Variants in RHOV observed in about 807,000 individuals in gnomAD.
RHOV encodes rho-related GTP-binding protein RhoV.
In RHOV, 6 loss-of-function variants were observed where a neutral mutation model predicts 20.2. That is an observed-to-expected ratio of 0.30 (90% CI 0.16 to 0.59). The LOEUF (loss-of-function observed/expected upper bound fraction) is 0.59, where lower values mean the gene tolerates loss of function less well. Among genes scored for constraint, RHOV ranks in the 20% least tolerant of loss-of-function variants. The pLI, the probability that RHOV is intolerant of heterozygous loss-of-function variation, is 0.89. For synonymous variants in RHOV, 136 were observed against 142.3 expected (o/e 0.96, Z 0.31); for missense variants, 275 against 319.4 (o/e 0.86, Z 1.06).
chr15:40,874,047 G>A lies in RHOV; in HGVS notation c.93C>T (p.Gly31=). The change falls in exon 1 of 3, where the codon GGC becomes GGT. Residue 31 remains glycine, a synonymous_variant. Transcript: ENST00000220507. ...CGTCGCCCACCAGCACGCACTTGATGCCCAGCTCTGGGGGCGCGCTACGCC... is the reference window on the plus strand; with the variant it reads ...CGTCGCCCACCAGCACGCACTTGATACCCAGCTCTGGGGGCGCGCTACGCC... The part of the protein sequence containing the change: ...PRRRSAPPEL[G]IKCVLVGDGA... The A allele has an allele frequency of 6.3e-7, 1 of 1,587,994 alleles. No homozygotes were observed. The highest frequency in any genetic ancestry group is 8.5e-7 in the Non-Finnish European group (1 of 1,169,764).
chr15:40,874,049 C>T lies in RHOV; in HGVS notation c.91G>A (p.Gly31Ser). The T allele has an allele frequency of 6.3e-7, 1 of 1,587,310 alleles. No homozygotes were observed. ...PRRRSAPPEL[G>S]IKCVLVGDGA... ...TCGCCCACCAGCACGCACTTGATGCCCAGCTCTGGGGGCGCGCTACGCCGC... is the reference window on the plus strand; with the variant it reads ...TCGCCCACCAGCACGCACTTGATGCTCAGCTCTGGGGGCGCGCTACGCCGC... The change falls in exon 1 of 3, where the codon GGC (glycine) becomes AGC (serine). Residue 31 changes from glycine (G) to serine (S), a missense_variant. Physicochemically the swap from Gly to Ser is moderately conservative, Grantham distance 56. Coordinates refer to ENST00000220507, the MANE Select transcript of RHOV (RefSeq NM_133639.4).
At chr15:40,873,619 T>G (rs1458411278) in intron 2 of RHOV, 65 bp downstream of exon 2, 3 of 1,592,562 alleles carry the variant, frequency 1.9e-6, no homozygotes, top group Admixed American at 3.3e-5. Flanking sequence ...TTGCTCCATA[T>G]GGGGTCCTCC....
rs1219778543 is a variant in RHOV at position 40,873,334 on chromosome 15, G to A, written c.435C>T (p.Ala145=). 1 of 1,613,152 alleles carries A rather than the reference G, an allele frequency of 6.2e-7. No individual in the cohort carries two copies. Among genetic ancestry groups the A allele is most frequent in the East Asian group, 2.2e-5 (1 of 44,880 alleles). ...GTACGTTGACATCGTCCCTCAGGTC[G>A]GCCTGGGTGCCCACCAGCAGCACAG... ...QAPVLLVGTQ[A]DLRDDVNVLI... is the part of the protein sequence containing the mutation. The change falls in exon 3 of 3, where the codon GCC becomes GCT. Residue 145 remains alanine (A), a synonymous_variant. Coordinates refer to ENST00000220507, the MANE Select transcript of RHOV (RefSeq NM_133639.4).
In RHOV at chr15:40,873,048, C is replaced by G. The variant is rs1179081084; in HGVS notation, c.*10G>C. 1.9e-6 allele frequency: 3 copies of G among 1,606,050 alleles called. No homozygotes were observed. Among genetic ancestry groups the G allele is most frequent in the Non-Finnish European group, 2.6e-6 (3 of 1,174,050 alleles). On this transcript the variant is annotated 3_prime_UTR_variant, in exon 3 of 3. Coordinates refer to ENST00000220507, the MANE Select transcript of RHOV (RefSeq NM_133639.4). ...CTCCTGCCTACTACTTGCTATGCAG[C>G]CATAGCTGCTCAAACGAAGCAGAAG... is the stretch of plus-strand genomic sequence containing the variant.
chr15:40,873,880 T>A (rs1891923441), intron 1 of RHOV, 52 bp downstream of exon 1: 1 of 1,564,124 alleles, frequency 6.4e-7, no homozygotes, highest in Non-Finnish European at 8.7e-7. Context: ...AGCTCCCCGG[T>A]GCACAGCCCC....
Position 40,872,679 on chromosome 15 carries a change from C to T in RHOV, c.*379G>A. Reference sequence around the variant, plus strand: ...CCAGCCCTCCATAATGCCAAGCGTTCCCCAAGCTCTTTCTCACCCCTGTGC... The same window carrying T: ...CCAGCCCTCCATAATGCCAAGCGTTTCCCAAGCTCTTTCTCACCCCTGTGC... On this transcript the variant is annotated 3_prime_UTR_variant, in exon 3 of 3. Coordinates refer to ENST00000220507, the MANE Select transcript of RHOV (RefSeq NM_133639.4). 1 of 190,752 alleles carries T rather than the reference C, an allele frequency of 5.2e-6. No individual in the cohort carries two copies. Among genetic ancestry groups the T allele is most frequent in the Non-Finnish European group, 1.1e-5 (1 of 92,314 alleles). 11.8% of individuals were successfully genotyped at this position (190,752 alleles called of 1,614,324 possible). A position where few individuals can be genotyped will look rare whatever the true frequency, so the allele number is the denominator to read the frequency against.
chr15:40,874,027 C>T lies in RHOV; in HGVS notation c.113G>A (p.Gly38Asp). 6.2e-7 allele frequency: 1 copy of T among 1,602,598 alleles called. No individual in the cohort carries two copies. Among genetic ancestry groups the T allele is most frequent in the Non-Finnish European group, 8.5e-7 (1 of 1,175,982 alleles). ...PELGIKCVLV[G>D]DGAVGKSSLI... ...GCTGCTCTTGCCCACGGCGCCGTCGCCCACCAGCACGCACTTGATGCCCAG... is the reference window on the plus strand; with the variant it reads ...GCTGCTCTTGCCCACGGCGCCGTCGTCCACCAGCACGCACTTGATGCCCAG... Residue 38 changes from glycine to aspartate, a missense_variant, in exon 1 of 3, where the codon GGC becomes GAC. Physicochemically the swap from Gly to Asp is moderately conservative, Grantham distance 94 (BLOSUM62 -1). Coordinates refer to ENST00000220507, the MANE Select transcript of RHOV (RefSeq NM_133639.4).
rs1357476080 is a variant in RHOV, at chr15:40,872,271, T to C, written c.*787A>G. 5.3e-5 allele frequency: 8 copies of C among 152,350 alleles called. No homozygotes were observed. The highest frequency in any genetic ancestry group is 1.9e-4 in the African/African-American group (8 of 41,450). 9.4% of individuals were successfully genotyped at this position (152,350 alleles called of 1,614,324 possible). A position where few individuals can be genotyped will look rare whatever the true frequency, so the allele number is the denominator to read the frequency against. On this transcript the variant is annotated 3_prime_UTR_variant, in exon 3 of 3. Coordinates refer to ENST00000220507, the MANE Select transcript of RHOV (RefSeq NM_133639.4). ...GCACTGCTCTAGCTTCTAGGCTGTG[T>C]GACCTTGAGGAAAGGGATGATCCCC...
Position 40,872,907 on chromosome 15 carries a change from G to T in RHOV, c.*151C>A. ...TCACCCAGGCATATCAGAGTGGGCA[G>T]TTAGAGGCCCATGTCCCCCGAGTGT... On this transcript the variant is annotated 3_prime_UTR_variant, in exon 3 of 3. Transcript: ENST00000220507. The T allele has an allele frequency of 1.6e-6, 1 of 624,346 alleles. No homozygotes were observed. Among genetic ancestry groups the T allele is most frequent in the Non-Finnish European group, 2.8e-6 (1 of 351,350 alleles). The allele number at this position is 624,346 out of a possible 1,614,324, so 38.7% of individuals were successfully genotyped here.
Position 40,873,285 on chromosome 15 carries a change from G to A in RHOV, c.484C>T (p.Arg162Trp), listed in dbSNP as rs753797823. 18 of 1,613,844 alleles carry A rather than the reference G, an allele frequency of 1.1e-5. No individual in the cohort carries two copies. The South Asian group carries it at 2.0e-4, about 18-fold the overall frequency. Residue 162 changes from arginine (R) to tryptophan (W), a missense_variant, in exon 3 of 3, where the codon CGG becomes TGG. Coordinates refer to ENST00000220507, the MANE Select transcript of RHOV (RefSeq NM_133639.4). ...NVLIQLDQGG[R>W]EGPVPQPQAQ... ...TGGGGTTGGGGCACGGGGCCCTCCC[G>A]GCCCCCCTGGTCCAGCTGAATTAGT...
rs1891922665 is a variant in RHOV at position 40,873,836 on chromosome 15, G to A, written c.209-94C>T. The A allele has an allele frequency of 5.8e-6, 9 of 1,539,332 alleles. No individual in the cohort carries two copies. In the South Asian group the frequency reaches 9.3e-5, roughly 16 times the overall value. On this transcript the variant is annotated intron_variant, in intron 1 of 2. Transcript: ENST00000220507. ...GGCCTGCTCCAGTCTCCTCCCCGGGGTCCTCTGCGCCCTCCCGCCGAGACG... is the reference window on the plus strand; with the variant it reads ...GGCCTGCTCCAGTCTCCTCCCCGGGATCCTCTGCGCCCTCCCGCCGAGACG...
Position 40,874,170 on chromosome 15 carries a change from C to A in RHOV, c.-31G>T. 1 of 1,050,278 alleles carries A rather than the reference C, an allele frequency of 9.5e-7. No individual in the cohort carries two copies. Among genetic ancestry groups the A allele is most frequent in the Non-Finnish European group, 1.3e-6 (1 of 798,006 alleles). The allele number at this position is 1,050,278 out of a possible 1,614,324, so 65.1% of individuals were successfully genotyped here. On this transcript the variant is annotated 5_prime_UTR_variant, in exon 1 of 3. Transcript: ENST00000220507. ...GCTCCGGGGGCAGCAGAGGGGCCAGCCCGGGTCTCGGCTTCGCTGCGCTCG... is the reference window on the plus strand; with the variant it reads ...GCTCCGGGGGCAGCAGAGGGGCCAGACCGGGTCTCGGCTTCGCTGCGCTCG...
chr15:40,873,298 C>CAGCT lies in RHOV; in HGVS notation c.467_470dup (p.Asp158AlafsTer29). ...CGGGGCCCTCCCGGCCCCCCTGGTCCAGCTGAATTAGTACGTTGACATCGT... is the reference window on the plus strand; with the variant it reads ...CGGGGCCCTCCCGGCCCCCCTGGTCCAGCTAGCTGAATTAGTACGTTGACATCGT... On this transcript the variant is annotated frameshift_variant, in exon 3 of 3. Transcript: ENST00000220507. LOFTEE classifies it high-confidence loss of function. 1.2e-6 allele frequency: 2 copies of CAGCT among 1,613,796 alleles called. No homozygotes were observed. Among genetic ancestry groups the CAGCT allele is most frequent in the Non-Finnish European group, 1.7e-6 (2 of 1,180,004 alleles).
Position 40,874,102 on chromosome 15 carries a change from G to C in RHOV, c.38C>G (p.Pro13Arg), listed in dbSNP as rs1267670070. 3.2e-5 allele frequency: 46 copies of C among 1,441,692 alleles called. No individual in the cohort carries two copies. The highest frequency in any genetic ancestry group is 3.9e-5 in the Non-Finnish European group (43 of 1,102,606). The allele number at this position is 1,441,692 out of a possible 1,614,324, so 89.3% of individuals were successfully genotyped here. Residue 13 changes from proline (P) to arginine (R), a missense_variant, in exon 1 of 3, where the codon CCG becomes CGG. By Grantham distance (103) the Pro-to-Arg change is moderately radical (BLOSUM62 -2). Coordinates refer to ENST00000220507, the MANE Select transcript of RHOV (RefSeq NM_133639.4). ...PRELSEAEPP[P>R]LRAPTPPPRR... ...CGGGGGAGGGGTCGGGGCCCGGAGCGGGGGCGGCTCGGCCTCGCTCAGCTC... is the reference window on the plus strand; with the variant it reads ...CGGGGGAGGGGTCGGGGCCCGGAGCCGGGGCGGCTCGGCCTCGCTCAGCTC...
chr15:40,872,972 C>A lies in RHOV; in HGVS notation c.*86G>T, dbSNP rs933116426. The A allele has an allele frequency of 5.9e-6, 6 of 1,023,392 alleles. No individual in the cohort carries two copies. The highest frequency in any genetic ancestry group is 2.1e-4 in the Middle Eastern group (1 of 4,674). The allele number at this position is 1,023,392 out of a possible 1,614,324, so 63.4% of individuals were successfully genotyped here. ...AGTCCTATGAGGTGGCCAGGCCCTG[C>A]CAGTAGCTGCCGCAAAGGCCCGGGT... On this transcript the variant is annotated 3_prime_UTR_variant, in exon 3 of 3. Coordinates refer to ENST00000220507, the MANE Select transcript of RHOV (RefSeq NM_133639.4).
chr15:40,872,638 C>A lies in RHOV; in HGVS notation c.*420G>T, dbSNP rs1472416054. The A allele has an allele frequency of 6.0e-6, 1 of 165,972 alleles. No individual in the cohort carries two copies. The highest frequency in any genetic ancestry group is 1.8e-4 in the East Asian group (1 of 5,618). 10.3% of individuals were successfully genotyped at this position (165,972 alleles called of 1,614,324 possible). On this transcript the variant is annotated 3_prime_UTR_variant, in exon 3 of 3. Coordinates refer to ENST00000220507, the MANE Select transcript of RHOV (RefSeq NM_133639.4). ...CTCCATCCCAAACTTCTCTCCAAAT[C>A]GGGGTTGAGCCCCTTCCAGCCCTCC...
chr15:40,872,964 A>G lies in RHOV; in HGVS notation c.*94T>C. 1 of 911,842 alleles carries G rather than the reference A, an allele frequency of 1.1e-6. No individual in the cohort carries two copies. The highest frequency in any genetic ancestry group is 1.7e-6 in the Non-Finnish European group (1 of 576,898). The allele number at this position is 911,842 out of a possible 1,614,324, so 56.5% of individuals were successfully genotyped here. A position where few individuals can be genotyped will look rare whatever the true frequency, so the allele number is the denominator to read the frequency against. ...GGGAACTGAGTCCTATGAGGTGGCC[A>G]GGCCCTGCCAGTAGCTGCCGCAAAG... is the stretch of plus-strand genomic sequence containing the variant. On this transcript the variant is annotated 3_prime_UTR_variant, in exon 3 of 3. Transcript: ENST00000220507.
chr15:40,873,971 G>T lies in RHOV; in HGVS notation c.169C>A (p.Pro57Thr). The change falls in exon 1 of 3, where the codon CCC becomes ACC. Residue 57 changes from proline (P) to threonine (T), a missense_variant. Transcript: ENST00000220507. Reference sequence around the variant, plus strand: ...AGCGCAGTGGGCCGGTAGCGCGCGGGGTACCCATTGCAGGTGTAGCTGACG... The same window carrying T: ...AGCGCAGTGGGCCGGTAGCGCGCGGTGTACCCATTGCAGGTGTAGCTGACG... ...LIVSYTCNGYPARYRPTALDT... is the reference protein window; with the variant it reads ...LIVSYTCNGYTARYRPTALDT... The T allele has an allele frequency of 6.2e-7, 1 of 1,611,318 alleles. No homozygotes were observed. Among genetic ancestry groups the T allele is most frequent in the East Asian group, 2.2e-5 (1 of 44,640 alleles).
In RHOV at chr15:40,873,094, G is replaced by C; in HGVS notation, c.675C>G (p.Ser225=). Residue 225 remains serine, a synonymous_variant, in exon 3 of 3, where the codon TCC becomes TCG. Coordinates refer to ENST00000220507, the MANE Select transcript of RHOV (RefSeq NM_133639.4). ...AGAAGAACTTCTTCCAGCGGCAGCGGGAGAGGGTGCGCACACCTTTGGCAT... is the reference window on the plus strand; with the variant it reads ...AGAAGAACTTCTTCCAGCGGCAGCGCGAGAGGGTGCGCACACCTTTGGCAT... ...KLNAKGVRTL[S]RCRWKKFFCF... The C allele has an allele frequency of 6.2e-7, 1 of 1,614,236 alleles. No individual in the cohort carries two copies. The highest frequency in any genetic ancestry group is 8.5e-7 in the Non-Finnish European group (1 of 1,180,030).
Sources: gnomAD v4.1 joint callset for allele counts on GRCh38, gnomAD v4.1.1 for gene constraint, MANE v1.5 for transcripts, NCBI Gene and HGNC (gene_info 2026-07-23, HGNC 2026-07-21) for gene names.